IPMK: variants seen among roughly 807,000 people sequenced by gnomAD.
IPMK encodes inositol polyphosphate multikinase.
IPMK carries 17 observed loss-of-function variants against 45.8 expected under a neutral mutation model. The ratio of observed to expected loss-of-function variants is 0.37; its 90% confidence interval spans 0.25 to 0.56. The LOEUF (loss-of-function observed/expected upper bound fraction) is 0.56, where lower values mean the gene tolerates loss of function less well. IPMK is among the 20% of genes least tolerant of loss of function. The pLI is 0.79. For synonymous variants in IPMK, 180 were observed against 184.3 expected (o/e 0.98, Z 0.19); for missense variants, 399 against 498.0 (o/e 0.80, Z 1.89).
intron 4 of IPMK, among the ~76,000 whole-genome samples, chr10:58,209,105 T>A (rs1838118204): frequency 6.6e-6 from 1 of 152,224 alleles, no homozygotes; most frequent in Non-Finnish European, 1.5e-5. Context: ...TGATTGTGAC[T>A]CTGCCTCTTG....
At position 58,245,202 on chromosome 10, in the gene IPMK, A is replaced by T. The variant is rs183620638; in HGVS notation, c.191-7388T>A. On this transcript the variant is annotated intron_variant, in intron 1 of 5. Coordinates refer to ENST00000373935, the MANE Select transcript of IPMK (RefSeq NM_152230.5). ...ACAAAAAGATAAATACTACATGATT[A>T]CACTTATAGGAGATATTTAAAGCAG... Among the ~76,000 whole-genome samples the T allele has an allele frequency of 6.6e-5, 10 of 152,276 alleles. No individual in the cohort carries two copies. In the East Asian group the frequency reaches 1.9e-3, roughly 29 times the overall value.
chr10:58,211,831 G>T (rs71504033), intron 4 of IPMK, among the ~76,000 whole-genome samples: 1 of 145,116 alleles, frequency 6.9e-6, no homozygotes, highest in African/African-American at 2.6e-5. Flanking sequence ...AGGAGGATCC[G>T]GAACCCAGGG....
chr10:58,262,176 C>T (rs200418689), intron 1 of IPMK, among the ~76,000 whole-genome samples: 3 of 152,052 alleles, frequency 2.0e-5, no homozygotes, highest in East Asian at 1.9e-4. Context: ...CAAACCAACA[C>T]TGCACATGTA....
Position 58,267,504 on chromosome 10 carries a change from C to G in IPMK, c.108G>C (p.Ala36=), listed in dbSNP as rs371337489. 6.2e-7 allele frequency: 1 copy of G among 1,613,444 alleles called. No individual in the cohort carries two copies. Among genetic ancestry groups the G allele is most frequent in the Non-Finnish European group, 8.5e-7 (1 of 1,179,830 alleles). ...CGTTGAGGAAGCGGAGTCTGCCGCCCGCCGGCTGCGGGGTGCCCTCAGGGG... is the reference window on the plus strand; with the variant it reads ...CGTTGAGGAAGCGGAGTCTGCCGCCGGCCGGCTGCGGGGTGCCCTCAGGGG... The part of the protein sequence containing the change: ...ESTPEGTPQP[A]GGRLRFLNGC... The change falls in exon 1 of 6, where the codon GCG becomes GCC. Residue 36 remains alanine (A), a synonymous_variant. Coordinates refer to ENST00000373935, the MANE Select transcript of IPMK (RefSeq NM_152230.5).
chr10:58,233,089 T>C (rs1838550517), intron 2 of IPMK, among the ~76,000 whole-genome samples: 1 of 152,200 alleles, frequency 6.6e-6, no homozygotes, highest in Non-Finnish European at 1.5e-5. Context: ...GATAAATTCA[T>C]GGACATATAC....
intron 1 of IPMK, among the ~76,000 whole-genome samples, chr10:58,255,282 T>C (rs895899978): frequency 6.6e-6 from 1 of 152,252 alleles, no homozygotes; most frequent in Non-Finnish European, 1.5e-5. Flanking sequence ...CAATGGTTCC[T>C]GTGACATGGA....
At chr10:58,265,350 C>T (rs1243394135) in intron 1 of IPMK, among the ~76,000 whole-genome samples, 1 of 152,102 alleles carries the variant, frequency 6.6e-6, no homozygotes, top group Non-Finnish European at 1.5e-5. Context: ...ACATAACGTC[C>T]TTAACAAAGC....
At chr10:58,234,350 T>C (rs1007784450) in intron 2 of IPMK, among the ~76,000 whole-genome samples, 5 of 152,130 alleles carry the variant, frequency 3.3e-5, no homozygotes, top group African/African-American at 9.7e-5. Flanking sequence ...AGAGCCCCCA[T>C]TGCTAAGACA....
intron 1 of IPMK, among the ~76,000 whole-genome samples, chr10:58,257,826 C>T (rs953194992): frequency 7.9e-5 from 12 of 152,038 alleles, no homozygotes; most frequent in African/African-American, 2.9e-4. Flanking sequence ...AGAAACAGAA[C>T]ATTAAACACA....
At chr10:58,239,602 C>T (rs114507583) in intron 1 of IPMK, among the ~76,000 whole-genome samples, 170 of 152,252 alleles carry the variant, frequency 1.1e-3, no homozygotes, top group African/African-American at 4.1e-3. Context: ...ATAATCCCAA[C>T]ACAAAAAGAG....
At chr10:58,239,638 T>C (rs72795672) in intron 1 of IPMK, among the ~76,000 whole-genome samples, 10,154 of 152,220 alleles carry the variant, frequency 0.067, 418 homozygotes, top group Non-Finnish European at 0.089. Flanking sequence ...ATGTCTCCCA[T>C]ATTACTCACC....
intron 4 of IPMK, among the ~76,000 whole-genome samples, chr10:58,207,950 C>CT (rs906106230): frequency 2.9e-4 from 44 of 150,852 alleles, no homozygotes; most frequent in African/African-American, 4.1e-4. Context: ...GTTCATTTTT[C>CT]TTTTTTTTTA....
At chr10:58,243,785 G>A (rs1564537431) in intron 1 of IPMK, among the ~76,000 whole-genome samples, 2 of 152,262 alleles carry the variant, frequency 1.3e-5, no homozygotes, top group South Asian at 2.1e-4. Flanking sequence ...CTGCCCACCC[G>A]CCACCCCATC....
intron 1 of IPMK, among the ~76,000 whole-genome samples, chr10:58,249,676 T>C (rs1402096276): frequency 6.6e-6 from 1 of 152,234 alleles, no homozygotes; most frequent in African/African-American, 2.4e-5. Flanking sequence ...TTGTTTCCTT[T>C]GTAGTGCATA....
intron 2 of IPMK, among the ~76,000 whole-genome samples, chr10:58,236,684 C>T (rs953503469): frequency 1.3e-5 from 2 of 151,902 alleles, no homozygotes; most frequent in African/African-American, 2.4e-5. Context: ...GCAGGAGGAT[C>T]GCTTGAGCCC....
At chr10:58,241,174 G>A (rs994114318) in intron 1 of IPMK, among the ~76,000 whole-genome samples, 2 of 152,274 alleles carry the variant, frequency 1.3e-5, no homozygotes, top group Non-Finnish European at 2.9e-5. Flanking sequence ...CTTGCTGAAG[G>A]CAGAAGGCAG....
At chr10:58,256,705 C>A (rs1246553201) in intron 1 of IPMK, among the ~76,000 whole-genome samples, 4 of 152,164 alleles carry the variant, frequency 2.6e-5, no homozygotes, top group African/African-American at 7.2e-5. Flanking sequence ...TGTGATGTCA[C>A]CCCCAGAGGC....
At chr10:58,208,888 G>C (rs1026396803) in intron 4 of IPMK, among the ~76,000 whole-genome samples, 1 of 152,216 alleles carries the variant, frequency 6.6e-6, no homozygotes, top group Non-Finnish European at 1.5e-5. Context: ...CAAAGTCCCA[G>C]CCTTGATGAG....
At chr10:58,258,290 C>T (rs764123579) in intron 1 of IPMK, among the ~76,000 whole-genome samples, 2 of 150,200 alleles carry the variant, frequency 1.3e-5, no homozygotes, top group South Asian at 2.1e-4. Context: ...AGCCTGGCGA[C>T]GGAGCGAGAT....
Sources: allele counts gnomAD v4.1 joint callset (sites outside exome capture counted in the v4.1 genomes callset), GRCh38; gene constraint gnomAD v4.1.1; transcripts MANE v1.5; gene names NCBI Gene and HGNC (gene_info 2026-07-23, HGNC 2026-07-21).